NTSR1: variants seen among roughly 807,000 people sequenced by gnomAD.
NTSR1 encodes the protein neurotensin receptor 1.
In NTSR1, 29 loss-of-function variants were observed where a neutral mutation model predicts 31.2. The observed-to-expected ratio is 0.93, with a 90% confidence interval of 0.69 to 1.27. The LOEUF is 1.27. NTSR1 is among the 50% of genes most tolerant of loss of function. The pLI is 0.00. For synonymous variants in NTSR1, 282 were observed against 269.9 expected, an observed-to-expected ratio of 1.04 and a Z score of -0.44; for missense variants, 697 against 595.4, an observed-to-expected ratio of 1.17 and a Z score of -1.78.
intron 1 of NTSR1, among the ~76,000 whole-genome samples, chr20:62,749,788 C>A (rs71325406): frequency 0.084 from 12,790 of 152,102 alleles, 644 homozygotes; most frequent in African/African-American, 0.13. Flanking sequence ...AAAAAGCCGG[C>A]AGATAACTCG....
intron 2 of NTSR1, among the ~76,000 whole-genome samples, chr20:62,756,087 G>A (rs1989508051): frequency 1.3e-5 from 2 of 151,884 alleles, no homozygotes; most frequent in African/African-American, 4.8e-5. Context: ...GGCAGCAGAG[G>A]CAGGGGCATC....
In NTSR1 at chr20:62,710,021, A is replaced by G. The variant is rs112321702; in HGVS notation, c.714+100A>G. 5.5e-3 allele frequency: 5,707 copies of G among 1,039,610 alleles called. 219 individuals are homozygous for G. The African/African-American group carries it at 0.08, about 15-fold the overall frequency. 64.4% of individuals were successfully genotyped at this position (1,039,610 alleles called of 1,614,324 possible). On this transcript the variant is annotated intron_variant, in intron 1 of 3. Coordinates refer to ENST00000370501, the MANE Select transcript of NTSR1 (RefSeq NM_002531.3). ...GTAGGGAGTGGGAGAGATGTCACAG[A>G]GACAGTCTACTCCTGCGAGGCTGGG... is the stretch of plus-strand genomic sequence containing the variant.
At position 62,710,272 on chromosome 20, in the gene NTSR1, A is replaced by G. The variant is rs57454370; in HGVS notation, c.714+351A>G. Among the ~76,000 whole-genome samples, 657 of 152,330 alleles carry G rather than the reference A, an allele frequency of 4.3e-3. 6 individuals carry two copies. Among genetic ancestry groups the G allele is most frequent in the African/African-American group, 0.015 (607 of 41,574 alleles). ...CATCAGCTTCTCAAAAGACTGTGCC[A>G]CCAACAGGTGATGTTCCTTCCTCTG... is the stretch of plus-strand genomic sequence containing the variant. On this transcript the variant is annotated intron_variant, in intron 1 of 3. Coordinates refer to ENST00000370501, the MANE Select transcript of NTSR1 (RefSeq NM_002531.3).
In NTSR1 at chr20:62,708,957, C is replaced by A; in HGVS notation, c.-251C>A. The A allele has an allele frequency of 2.4e-6, 1 of 411,656 alleles. No homozygotes were observed. The allele number at this position is 411,656 out of a possible 1,614,324, so 25.5% of individuals were successfully genotyped here. A position where few individuals can be genotyped will look rare whatever the true frequency, so the allele number is the denominator to read the frequency against. ...GGCAAGCGCCGAGCCGGGAGACAGC[C>A]CGAGGAACCACGGGTTCTGGAGCTA... On this transcript the variant is annotated 5_prime_UTR_variant, in exon 1 of 4. Transcript: ENST00000370501. The surrounding 1 kb of genome is among the most constrained non-coding windows in gnomAD (Gnocchi z 5.9).
At position 62,760,230 on chromosome 20, in the gene NTSR1, C is replaced by G. The variant is rs771483855; in HGVS notation, c.1220C>G (p.Thr407Ser). The change falls in exon 4 of 4, where the codon ACC becomes AGC. Residue 407 changes from threonine (T) to serine (S), a missense_variant. Physicochemically the swap from Thr to Ser is moderately conservative, Grantham distance 58. Coordinates refer to ENST00000370501, the MANE Select transcript of NTSR1 (RefSeq NM_002531.3). ...RKADSVSSNH[T>S]LSSNATRETL... ...GCCGACAGCGTGTCCAGCAACCACACCCTCTCCAGCAATGCCACCCGCGAG... is the reference window on the plus strand; with the variant it reads ...GCCGACAGCGTGTCCAGCAACCACAGCCTCTCCAGCAATGCCACCCGCGAG... 1 of 1,613,412 alleles carries G rather than the reference C, an allele frequency of 6.2e-7. No homozygotes were observed. The highest frequency in any genetic ancestry group is 2.2e-5 in the East Asian group (1 of 44,862).
chr20:62,741,663 T>C lies in NTSR1; in HGVS notation c.715-13022T>C, dbSNP rs1028306221. 6.7e-6 allele frequency among the ~76,000 whole-genome samples: 1 copy of C among 149,568 alleles called. No individual in the cohort carries two copies. Among genetic ancestry groups the C allele is most frequent in the Non-Finnish European group, 1.5e-5 (1 of 68,004 alleles). On this transcript the variant is annotated intron_variant, in intron 1 of 3. Transcript: ENST00000370501. This position sits in a 1 kb window ranked among gnomAD's most constrained non-coding sequence, Gnocchi z 4.3. The stretch of plus-strand genomic sequence containing the variant: ...CAGAAATTCCAAACCAGAAGAAAAG[T>C]GCAGGGAACAGAGTGGAGGAGCCAT...
At chr20:62,728,736 G>C (rs2427424) in intron 1 of NTSR1, among the ~76,000 whole-genome samples, 4 of 151,936 alleles carry the variant, frequency 2.6e-5, no homozygotes, top group Non-Finnish European at 5.9e-5. Flanking sequence ...GGCCAAGCAG[G>C]TTTCACGGCA....
rs1377228684 is a variant in NTSR1, at chr20:62,709,449, A to C, written c.242A>C (p.Asn81Thr). Reference sequence around the variant, plus strand: ...CTCTTCGTGGTGGGCACGGTGGGCAACACGGTGACGGCGTTCACGCTGGCG... The same window carrying C: ...CTCTTCGTGGTGGGCACGGTGGGCACCACGGTGACGGCGTTCACGCTGGCG... The part of the protein sequence containing the change: ...LALFVVGTVG[N>T]TVTAFTLARK... Residue 81 changes from asparagine to threonine, a missense_variant, in exon 1 of 4, where the codon AAC (asparagine) becomes ACC (threonine). Asn to Thr is a moderately conservative substitution (Grantham distance 65, BLOSUM62 0). Transcript: ENST00000370501. 6.2e-7 allele frequency: 1 copy of C among 1,612,576 alleles called. No individual in the cohort carries two copies. Among genetic ancestry groups the C allele is most frequent in the Admixed American group, 1.7e-5 (1 of 59,996 alleles).
chr20:62,757,914 C>T (rs1050527205), intron 2 of NTSR1, among the ~76,000 whole-genome samples: 3 of 151,920 alleles, frequency 2.0e-5, no homozygotes, highest in African/African-American at 7.3e-5. Context: ...CCATGTCTCC[C>T]CCACTGAGCC....
At chr20:62,736,214 T>C (rs369447271) in intron 1 of NTSR1, among the ~76,000 whole-genome samples, 20 of 152,180 alleles carry the variant, frequency 1.3e-4, no homozygotes, top group African/African-American at 4.8e-4. Flanking sequence ...TTCTCTGCAC[T>C]TGCCCCATGG....
chr20:62,752,166 G>A (rs550193124), intron 1 of NTSR1, among the ~76,000 whole-genome samples: 38 of 152,330 alleles, frequency 2.5e-4, no homozygotes, highest in African/African-American at 8.7e-4. Context: ...CCAGGAAGGG[G>A]CCTGTCCTTC....
At chr20:62,740,213 C>A (rs949388971) in intron 1 of NTSR1, among the ~76,000 whole-genome samples, 2 of 152,334 alleles carry the variant, frequency 1.3e-5, no homozygotes, top group East Asian at 3.9e-4. Flanking sequence ...TAGTGCCCTG[C>A]GTTTTAGAAA....
intron 1 of NTSR1, among the ~76,000 whole-genome samples, chr20:62,740,054 C>T (rs535944852): frequency 6.6e-6 from 1 of 152,264 alleles, no homozygotes; most frequent in Non-Finnish European, 1.5e-5. Context: ...GCACAAACTC[C>T]CCGGAAACCC....
intron 1 of NTSR1, among the ~76,000 whole-genome samples, chr20:62,724,209 C>A (rs1600722126): frequency 6.6e-6 from 1 of 152,342 alleles, no homozygotes; most frequent in African/African-American, 2.4e-5. Context: ...TGCACCCAGA[C>A]CCCAGCTCAG....
intron 1 of NTSR1, among the ~76,000 whole-genome samples, chr20:62,718,609 G>A (rs1323489730): frequency 6.9e-6 from 1 of 145,218 alleles, no homozygotes; most frequent in Non-Finnish European, 1.5e-5. Context: ...TTTCTGGGAC[G>A]TCGAGTGAAT....
chr20:62,709,713 C>T lies in NTSR1; in HGVS notation c.506C>T (p.Ala169Val). The T allele has an allele frequency of 6.2e-7, 1 of 1,612,900 alleles. No homozygotes were observed. The highest frequency in any genetic ancestry group is 8.5e-7 in the Non-Finnish European group (1 of 1,179,882). The change falls in exon 1 of 4, where the codon GCC (alanine) becomes GTC (valine). Residue 169 changes from alanine (A) to valine (V), a missense_variant. Coordinates refer to ENST00000370501, the MANE Select transcript of NTSR1 (RefSeq NM_002531.3). The part of the protein sequence containing the change: ...VASLSVERYL[A>V]ICHPFKAKTL... The stretch of plus-strand genomic sequence containing the variant: ...AGCCTGAGTGTGGAGCGCTACCTGG[C>T]CATCTGCCACCCCTTCAAGGCCAAG...
intron 1 of NTSR1, among the ~76,000 whole-genome samples, chr20:62,713,567 CA>C: frequency 6.6e-6 from 1 of 152,350 alleles, no homozygotes; most frequent in Admixed American, 6.5e-5. Flanking sequence ...CCTCCACAGG[CA>C]GCATCCTTGT....
intron 1 of NTSR1, among the ~76,000 whole-genome samples, chr20:62,712,627 G>T (rs555930432): frequency 1.3e-5 from 2 of 152,314 alleles, no homozygotes; most frequent in South Asian, 2.1e-4. Context: ...CCTCCCAAAG[G>T]CCCCAGACCT....
Position 62,709,417 on chromosome 20 carries a change from C to T in NTSR1, c.210C>T (p.Tyr70=). 5.0e-6 allele frequency: 8 copies of T among 1,611,868 alleles called. No homozygotes were observed. The highest frequency in any genetic ancestry group is 5.9e-6 in the Non-Finnish European group (7 of 1,179,228). Residue 70 remains tyrosine, a synonymous_variant, in exon 1 of 4, where the codon TAC becomes TAT. Transcript: ENST00000370501. ...CCAAGGTGCTGGTGACCGCCGTGTA[C>T]CTGGCGCTCTTCGTGGTGGGCACGG... The part of the protein sequence containing the change: ...IYSKVLVTAV[Y]LALFVVGTVG...
Sources: gnomAD v4.1 joint callset for allele counts (sites outside exome capture counted in the v4.1 genomes callset) on GRCh38, gnomAD v4.1.1 for gene constraint, Gnocchi (gnomAD v3.1) non-coding constraint, MANE v1.5 for transcripts, NCBI Gene and HGNC (gene_info 2026-07-23, HGNC 2026-07-21) for gene names.